BABAM2: variants seen among roughly 807,000 people sequenced by gnomAD.
BABAM2 encodes the protein BRISC and BRCA1 A complex member 2, also known as BRISC and BRCA1-A complex member 2.
A neutral mutation model predicts 54.7 loss-of-function variants in BABAM2; 31 were observed. That is an observed-to-expected ratio of 0.57 (90% CI 0.43 to 0.77). The LOEUF is 0.77. Ranked by LOEUF, BABAM2 falls within the 30% of genes least tolerant of loss-of-function variation. BABAM2 has a pLI of 0.00. For synonymous variants in BABAM2, 167 were observed against 162.9 expected, an observed-to-expected ratio of 1.03 and a Z score of -0.19; for missense variants, 364 against 455.8, an observed-to-expected ratio of 0.80 and a Z score of 1.83.
At chr2:28,179,020 T>G (rs924675819) in intron 7 of BABAM2, among the ~76,000 whole-genome samples, 8 of 152,028 alleles carry the variant, frequency 5.3e-5, no homozygotes, top group African/African-American at 1.9e-4. Flanking sequence ...CAAAGAAGTT[T>G]AGGACAAAAT....
chr2:27,987,245 T>C (rs1046921381), intron 3 of BABAM2, among the ~76,000 whole-genome samples: 2 of 152,226 alleles, frequency 1.3e-5, no homozygotes, highest in African/African-American at 4.8e-5. Flanking sequence ...GATATAAATC[T>C]AAGTTTTTGT....
At chr2:28,279,182 G>A (rs1686132175) in intron 10 of BABAM2, among the ~76,000 whole-genome samples, 1 of 152,146 alleles carries the variant, frequency 6.6e-6, no homozygotes, top group Non-Finnish European at 1.5e-5. Flanking sequence ...TGCTGCCTGA[G>A]TGGCCCCTTG....
At chr2:27,888,926 A>G (rs1664624057), upstream of BABAM2, among the ~76,000 whole-genome samples, 1 of 152,238 alleles carries the variant, frequency 6.6e-6, no homozygotes, top group African/African-American at 2.4e-5. Flanking sequence ...CTCCAACTAG[A>G]TTCAATTTTA....
Position 28,332,650 on chromosome 2 carries a change from G to A in BABAM2, c.1089-5800G>A, listed in dbSNP as rs140011369. Among the ~76,000 whole-genome samples the A allele has an allele frequency of 1.1e-3, 162 of 152,264 alleles. 2 individuals are homozygous for A. In the East Asian group the frequency reaches 0.03, roughly 28 times the overall value. ...AACCAACACCCTGCTCTTGGCAGCC[G>A]GAGCCATGTGATTCCTAAATACCCT... On this transcript the variant is annotated intron_variant, in intron 11 of 11. Transcript: ENST00000379624.
intron 6 of BABAM2, among the ~76,000 whole-genome samples, chr2:28,070,438 T>C (rs1664017509): frequency 6.6e-6 from 1 of 152,162 alleles, no homozygotes; most frequent in East Asian, 1.9e-4. Flanking sequence ...TCTTCAAAAA[T>C]CCTCAGGGAG....
At chr2:28,046,052 C>A (rs887967976) in intron 6 of BABAM2, among the ~76,000 whole-genome samples, 10 of 152,092 alleles carry the variant, frequency 6.6e-5, no homozygotes, top group African/African-American at 2.2e-4. Context: ...TGGGAAAAAT[C>A]GCTTTTATTT....
chr2:28,233,669 G>A lies in BABAM2; in HGVS notation c.681-3533G>A, dbSNP rs140583269. 4.8e-3 allele frequency among the ~76,000 whole-genome samples: 731 copies of A among 152,266 alleles called. 10 individuals carry two copies. Among genetic ancestry groups the A allele is most frequent in the African/African-American group, 0.017 (705 of 41,556 alleles). ...TGGGTTAAATAAAGGGTGAAATGACGTCCTTTAAAAAATAAACTCTCAGTT... is the reference window on the plus strand; with the variant it reads ...TGGGTTAAATAAAGGGTGAAATGACATCCTTTAAAAAATAAACTCTCAGTT... On this transcript the variant is annotated intron_variant, in intron 7 of 11. Coordinates refer to ENST00000379624, the MANE Select transcript of BABAM2 (RefSeq NM_199191.3).
Position 27,890,752 on chromosome 2 carries a change from G to GGC in BABAM2, c.-106_-105dup, listed in dbSNP as rs1410705559. 6.5e-6 allele frequency: 1 copy of GGC among 153,010 alleles called. No homozygotes were observed. The highest frequency in any genetic ancestry group is 1.5e-5 in the Non-Finnish European group (1 of 68,524). The allele number at this position is 153,010 out of a possible 1,614,324, so 9.5% of individuals were successfully genotyped here. A position where few individuals can be genotyped will look rare whatever the true frequency, so the allele number is the denominator to read the frequency against. On this transcript the variant is annotated 5_prime_UTR_variant, in exon 1 of 12. Coordinates refer to ENST00000379624, the MANE Select transcript of BABAM2 (RefSeq NM_199191.3). This position sits in a 1 kb window ranked among gnomAD's most constrained non-coding sequence, Gnocchi z 4.8. ...GGGAGTGCGCACGCATCCTGCCCGC[G>GGC]GCGCGCGCGCAGGTCGGTGCGTCTG...
intron 5 of BABAM2, among the ~76,000 whole-genome samples, chr2:28,028,703 T>A (rs947536475): frequency 5.3e-5 from 8 of 152,234 alleles, no homozygotes; most frequent in African/African-American, 1.9e-4. Context: ...CTAATTCTTT[T>A]AGGTTTCCCT....
At position 28,166,209 on chromosome 2, in the gene BABAM2, T is replaced by C. The variant is rs186769276; in HGVS notation, c.680+36829T>C. Among the ~76,000 whole-genome samples, 48 of 152,298 alleles carry C rather than the reference T, an allele frequency of 3.2e-4. No homozygotes were observed. The East Asian group carries it at 8.5e-3, about 27-fold the overall frequency. ...CCACCCAGTCTGTAGTACTTTGTTA[T>C]GGCAGCCCTAGGAGGTGAATACACC... On this transcript the variant is annotated intron_variant, in intron 7 of 11. Coordinates refer to ENST00000379624, the MANE Select transcript of BABAM2 (RefSeq NM_199191.3).
chr2:27,962,167 T>C (rs1403422221), intron 3 of BABAM2, among the ~76,000 whole-genome samples: 1 of 152,220 alleles, frequency 6.6e-6, no homozygotes, highest in African/African-American at 2.4e-5. Flanking sequence ...TGGAATGTAC[T>C]GAATCATAGC....
chr2:27,948,083 C>G (rs1427222515), intron 3 of BABAM2, among the ~76,000 whole-genome samples: 10 of 151,548 alleles, frequency 6.6e-5, no homozygotes, highest in African/African-American at 2.2e-4. Context: ...AGATTTTTTT[C>G]ATTTCTCTAT....
chr2:28,302,125 G>A (rs1177145155), intron 11 of BABAM2, among the ~76,000 whole-genome samples: 1 of 152,044 alleles, frequency 6.6e-6, no homozygotes, highest in Non-Finnish European at 1.5e-5. Flanking sequence ...TTAAGATTTA[G>A]CTGTTATGGT....
chr2:28,150,189 A>G (rs1033132208), intron 7 of BABAM2, among the ~76,000 whole-genome samples: 9 of 152,198 alleles, frequency 5.9e-5, no homozygotes, highest in Non-Finnish European at 1.2e-4. Context: ...TTACAAGTGA[A>G]GACACTCTAG....
intron 3 of BABAM2, among the ~76,000 whole-genome samples, chr2:27,942,791 A>ATTTT (rs372325714): frequency 4.4e-4 from 63 of 141,860 alleles, no homozygotes; most frequent in Non-Finnish European, 8.6e-4. Flanking sequence ...TTTCTTAAAA[A>ATTTT]ATTTATTTAT....
chr2:27,970,601 T>C (rs889598337), intron 3 of BABAM2, among the ~76,000 whole-genome samples: 3 of 152,172 alleles, frequency 2.0e-5, no homozygotes, highest in African/African-American at 7.2e-5. Flanking sequence ...TTTTCTCCTA[T>C]AGAATCTCAA....
intron 6 of BABAM2, among the ~76,000 whole-genome samples, chr2:28,058,499 A>G (rs1678605713): frequency 6.6e-6 from 1 of 151,818 alleles, no homozygotes; most frequent in Non-Finnish European, 1.5e-5. Context: ...AGAAAACTTA[A>G]TATCAAGGCT....
At chr2:28,126,610 G>A (rs1309122602) in intron 6 of BABAM2, among the ~76,000 whole-genome samples, 1 of 136,608 alleles carries the variant, frequency 7.3e-6, no homozygotes, top group East Asian at 2.0e-4. Flanking sequence ...ACATACGTGT[G>A]CATGTGTCTT....
At chr2:27,958,110 G>T (rs1194662503) in intron 3 of BABAM2, among the ~76,000 whole-genome samples, 1 of 152,172 alleles carries the variant, frequency 6.6e-6, no homozygotes, top group Non-Finnish European at 1.5e-5. Flanking sequence ...AGTCAATGCT[G>T]TGAGGAGCAG....
Sources: allele counts gnomAD v4.1 joint callset (sites outside exome capture counted in the v4.1 genomes callset), GRCh38; gene constraint gnomAD v4.1.1; non-coding constraint Gnocchi (gnomAD v3.1); transcripts MANE v1.5; gene names NCBI Gene and HGNC (gene_info 2026-07-23, HGNC 2026-07-21).